Variants in CORO7 observed in about 807,000 individuals in gnomAD.
CORO7 encodes the protein coronin-7.
CORO7 carries 107 observed loss-of-function variants against 126.6 expected under a neutral mutation model. The observed-to-expected ratio is 0.85, with a 90% CI of 0.72 to 0.99. The LOEUF (loss-of-function observed/expected upper bound fraction) is 0.99, where lower values mean the gene tolerates loss of function less well. CORO7 is among the 50% of genes least tolerant of loss of function. The pLI is 0.00. For missense variants in CORO7, 1,314 were observed against 1,255.8 expected (o/e 1.05, Z -0.70); for synonymous variants, 603 against 536.8 (o/e 1.12, Z -1.70).
chr16:4,379,449 C>T (rs1475777989), intron 9 of CORO7, among the ~76,000 whole-genome samples: 2 of 151,990 alleles, frequency 1.3e-5, no homozygotes, highest in African/African-American at 4.8e-5. Context: ...TGGTGGGAGC[C>T]CCCGCCCCCA....
intron 9 of CORO7, chr16:4,382,305 G>A (rs1172910094): frequency 3.1e-6 from 5 of 1,610,528 alleles, no homozygotes; most frequent in Non-Finnish European, 4.2e-6. Context: ...CCACCTCCCT[G>A]CGCGTGGGGC....
chr16:4,389,679 C>A (rs1321312260), intron 7 of CORO7, among the ~76,000 whole-genome samples: 1 of 152,218 alleles, frequency 6.6e-6, no homozygotes, highest in Non-Finnish European at 1.5e-5. Context: ...GAACCAAGGC[C>A]CCACTGCCCT....
intron 1 of CORO7, among the ~76,000 whole-genome samples, chr16:4,415,420 C>T (rs1181788950): frequency 4.6e-5 from 7 of 152,140 alleles, no homozygotes; most frequent in African/African-American, 1.7e-4. Flanking sequence ...TTCTCCATCC[C>T]AGTCCCTCAT....
intron 6 of CORO7, among the ~76,000 whole-genome samples, chr16:4,398,139 T>G (rs926520971): frequency 2.0e-5 from 3 of 148,756 alleles, no homozygotes; most frequent in African/African-American, 7.5e-5. Context: ...AGGCTGGTTT[T>G]GAACTCCTGG....
chr16:4,360,661 C>A, intron 19 of CORO7, 113 bp from the exon 20 acceptor site: 2 of 1,400,554 alleles, frequency 1.4e-6, no homozygotes. Context: ...CTGCTGTTCC[C>A]GCCTCTCCTC....
At chr16:4,401,192 G>T (rs2055792244) in intron 6 of CORO7, among the ~76,000 whole-genome samples, 1 of 152,190 alleles carries the variant, frequency 6.6e-6, no homozygotes, top group African/African-American at 2.4e-5. Context: ...GCTTGTGCTG[G>T]GAAGGCAAAG....
In CORO7 at chr16:4,412,250, G is replaced by A. The variant is rs563521334; in HGVS notation, c.232+106C>T. On this transcript the variant is annotated intron_variant, in intron 3 of 27. Transcript: ENST00000251166. ...AGTGCACAGACAGGGCGACAGGAGGGACCTGGCAAGCCATGCGGCAGTGGG... is the reference window on the plus strand; with the variant it reads ...AGTGCACAGACAGGGCGACAGGAGGAACCTGGCAAGCCATGCGGCAGTGGG... 4.6e-5 allele frequency: 57 copies of A among 1,238,786 alleles called. 1 individual carries two copies. In the South Asian group the frequency reaches 6.9e-4, roughly 15 times the overall value. The allele number at this position is 1,238,786 out of a possible 1,614,324, so 76.7% of individuals were successfully genotyped here. A position where few individuals can be genotyped will look rare whatever the true frequency, so the allele number is the denominator to read the frequency against.
At chr16:4,377,514 C>G (rs1280612791) in intron 9 of CORO7, among the ~76,000 whole-genome samples, 2 of 152,212 alleles carry the variant, frequency 1.3e-5, no homozygotes, top group African/African-American at 4.8e-5. Flanking sequence ...CAGAAAACTA[C>G]AACTCCAGAG....
At chr16:4,387,166 C>T (rs975157515) in intron 9 of CORO7, among the ~76,000 whole-genome samples, 1 of 152,054 alleles carries the variant, frequency 6.6e-6, no homozygotes, top group African/African-American at 2.4e-5. Context: ...TGCCTGGCTA[C>T]GTCTCTGAAC....
rs780070514 is a variant in CORO7, at chr16:4,381,250, C to T, written c.785+6736G>A. On this transcript the variant is annotated intron_variant, in intron 9 of 27. Coordinates refer to ENST00000251166, the MANE Select transcript of CORO7 (RefSeq NM_024535.5). ...CAATGAGACCTTCCGTGGCCTGCGGCGCCTCGAGCGCCTCTACCTGGGCAA... is the reference window on the plus strand; with the variant it reads ...CAATGAGACCTTCCGTGGCCTGCGGTGCCTCGAGCGCCTCTACCTGGGCAA... The T allele has an allele frequency of 5.6e-6, 9 of 1,611,294 alleles. No homozygotes were observed. The highest frequency in any genetic ancestry group is 2.2e-5 in the East Asian group (1 of 44,744).
In CORO7 at chr16:4,409,225, G is replaced by A. The variant is rs566296162; in HGVS notation, c.233-974C>T. Among the ~76,000 whole-genome samples, 7 of 152,344 alleles carry A rather than the reference G, an allele frequency of 4.6e-5. No individual in the cohort carries two copies. In the East Asian group the frequency reaches 1.3e-3, roughly 29 times the overall value. On this transcript the variant is annotated intron_variant, in intron 3 of 27. Transcript: ENST00000251166. ...CTTCCTCCCGGCCTCAGGAGACAGG[G>A]AAAAGATAGGACGGACGTGCACAGG... is the stretch of plus-strand genomic sequence containing the variant.
At chr16:4,382,511 A>G in intron 9 of CORO7, 1 of 1,591,484 alleles carries the variant, frequency 6.3e-7, no homozygotes, top group East Asian at 2.3e-5. Context: ...CGGGTGCCGG[A>G]GGGCGAGGAG....
chr16:4,378,830 G>A (rs956689889), intron 9 of CORO7, among the ~76,000 whole-genome samples: 2 of 152,078 alleles, frequency 1.3e-5, no homozygotes, highest in African/African-American at 2.4e-5. Flanking sequence ...CGCTAGGTTG[G>A]GGAGGCTTAG....
chr16:4,390,449 G>C (rs143487412), intron 7 of CORO7, among the ~76,000 whole-genome samples: 3 of 152,232 alleles, frequency 2.0e-5, no homozygotes, highest in African/African-American at 7.2e-5. Context: ...CCGCCAGACT[G>C]TAAGTGAGGG....
At chr16:4,370,227 G>T (rs1003528842) in intron 9 of CORO7, among the ~76,000 whole-genome samples, 26 of 152,222 alleles carry the variant, frequency 1.7e-4, no homozygotes, top group Non-Finnish European at 2.9e-4. Context: ...AAGGGAAGAG[G>T]CAGGGAAACA....
chr16:4,399,440 G>C (rs991002736), intron 6 of CORO7, among the ~76,000 whole-genome samples: 3 of 152,130 alleles, frequency 2.0e-5, no homozygotes, highest in African/African-American at 7.2e-5. Flanking sequence ...TCAAATTATA[G>C]ACACAGAAAA....
In CORO7 at chr16:4,408,315, C is replaced by A. The variant is rs936406155; in HGVS notation, c.233-64G>T. ...GTTTCCAACCCAGTATGAAGCAAAG[C>A]CCAGGGCTTCCGAGGTGACACTTTT... is the stretch of plus-strand genomic sequence containing the variant. On this transcript the variant is annotated intron_variant, in intron 3 of 27. Transcript: ENST00000251166. The A allele has an allele frequency of 5.0e-6, 8 of 1,608,686 alleles. No individual in the cohort carries two copies. The African/African-American group carries it at 8.0e-5, about 16-fold the overall frequency.
At chr16:4,406,426 C>T (rs980185858) in intron 5 of CORO7, among the ~76,000 whole-genome samples, 3 of 152,126 alleles carry the variant, frequency 2.0e-5, no homozygotes, top group Middle Eastern at 3.4e-3. Flanking sequence ...CTCTTGAGTA[C>T]CTGGGACACA....
chr16:4,356,167 G>A (rs1039506990), intron 26 of CORO7, among the ~76,000 whole-genome samples: 2 of 151,636 alleles, frequency 1.3e-5, no homozygotes, highest in Non-Finnish European at 1.5e-5. Flanking sequence ...TGGTCAGGCT[G>A]GTGTCGAACT....
Sources: gnomAD v4.1 joint callset for allele counts (sites outside exome capture counted in the v4.1 genomes callset) on GRCh38, gnomAD v4.1.1 for gene constraint, MANE v1.5 for transcripts, NCBI Gene and HGNC (gene_info 2026-07-23, HGNC 2026-07-21) for gene names.